Variants in MPPED1 observed in about 807,000 individuals in gnomAD.
MPPED1 encodes the protein metallophosphoesterase domain-containing protein 1.
A neutral mutation model predicts 36.2 loss-of-function variants in MPPED1; 16 were observed. The ratio of observed to expected loss-of-function variants is 0.44; its 90% CI spans 0.30 to 0.67. The LOEUF (loss-of-function observed/expected upper bound fraction) is 0.67, where lower values mean the gene tolerates loss of function less well. Among genes scored for constraint, MPPED1 ranks in the 30% least tolerant of loss-of-function variants. MPPED1 has a pLI of 0.10. For synonymous variants in MPPED1, 199 were observed against 191.3 expected (o/e 1.04, Z -0.33); for missense variants, 307 against 453.4 (o/e 0.68, Z 2.93).
At chr22:43,473,509 G>T (rs1291824266) in intron 3 of MPPED1, among the ~76,000 whole-genome samples, 1 of 152,214 alleles carries the variant, frequency 6.6e-6, no homozygotes, top group South Asian at 2.1e-4. Flanking sequence ...GACCCTCCAG[G>T]TCACTCTCGG....
At position 43,455,200 on chromosome 22, in the gene MPPED1, C is replaced by G. The variant is rs562054714; in HGVS notation, c.407-19536C>G. On this transcript the variant is annotated intron_variant, in intron 3 of 6. Coordinates refer to ENST00000443721, the MANE Select transcript of MPPED1 (RefSeq NM_001044370.2). ...TCTCGGCCCACAGCAACCTCTGTCC[C>G]TGGGATTCAAGCGATTCTTCCTCCT... Among the ~76,000 whole-genome samples, 308 of 150,152 alleles carry G rather than the reference C, an allele frequency of 2.1e-3. 1 individual carries two copies. In the Middle Eastern group the frequency reaches 0.024, roughly 12 times the overall value.
At chr22:43,413,293 G>A (rs1345359264) in intron 1 of MPPED1, among the ~76,000 whole-genome samples, 1 of 152,088 alleles carries the variant, frequency 6.6e-6, no homozygotes, top group Non-Finnish European at 1.5e-5. Context: ...AATGGCACTG[G>A]GAGACTTGTT....
At chr22:43,491,901 TTGGAGGTGGTGGTAA>T (rs1932114755) in intron 4 of MPPED1, among the ~76,000 whole-genome samples, 1 of 83,630 alleles carries the variant, frequency 1.2e-5, no homozygotes, top group African/African-American at 4.9e-5. Flanking sequence ...GGTGGTGGTG[TTGGAGGTGGTGGTAA>T]TGGAGGTGCT....
At chr22:43,483,868 C>CACAGGTCTGCTGGCCTGAGA (rs2146896045) in intron 4 of MPPED1, among the ~76,000 whole-genome samples, 1 of 152,348 alleles carries the variant, frequency 6.6e-6, no homozygotes, top group African/African-American at 2.4e-5. Context: ...TCCTGGACCA[C>CACAGGTCTGCTGGCCTGAGA]ACAGGTCTGC....
chr22:43,430,248 C>T (rs1191170547), intron 2 of MPPED1, among the ~76,000 whole-genome samples: 2 of 152,202 alleles, frequency 1.3e-5, no homozygotes, highest in East Asian at 3.8e-4. Context: ...TGATGCCTCT[C>T]TGGGCTTTTG....
intron 4 of MPPED1, among the ~76,000 whole-genome samples, chr22:43,482,457 C>T (rs1931780131): frequency 6.6e-6 from 1 of 152,182 alleles, no homozygotes; most frequent in South Asian, 2.1e-4. Flanking sequence ...CTTCACCTCT[C>T]TGTGGGAGCC....
chr22:43,432,902 GAGGGAA>G (rs1929807664), intron 2 of MPPED1, among the ~76,000 whole-genome samples: 1 of 66,156 alleles, frequency 1.5e-5, no homozygotes, highest in African/African-American at 3.8e-5. Flanking sequence ...AGGAGAGAGA[GAGGGAA>G]AGAGAAAGGG....
At chr22:43,424,337 A>G (rs1423684683) in intron 1 of MPPED1, among the ~76,000 whole-genome samples, 2 of 152,090 alleles carry the variant, frequency 1.3e-5, no homozygotes, top group Non-Finnish European at 2.9e-5. Context: ...TTCTCAGGGC[A>G]CCACTAAAAG....
intron 3 of MPPED1, among the ~76,000 whole-genome samples, chr22:43,461,672 C>G (rs190080645): frequency 9.2e-5 from 14 of 152,182 alleles, no homozygotes; most frequent in African/African-American, 3.1e-4. Flanking sequence ...TGTAAAGACT[C>G]AAATGTATGA....
At chr22:43,485,833 T>C (rs1287635893) in intron 4 of MPPED1, among the ~76,000 whole-genome samples, 1 of 152,244 alleles carries the variant, frequency 6.6e-6, no homozygotes, top group African/African-American at 2.4e-5. Flanking sequence ...GTTCCACTTA[T>C]CTTGCTGCTG....
chr22:43,450,541 C>T (rs1005995357), intron 3 of MPPED1, among the ~76,000 whole-genome samples: 3 of 152,168 alleles, frequency 2.0e-5, no homozygotes, highest in Admixed American at 1.3e-4. Flanking sequence ...TCAGTTTTCT[C>T]ATCTATCAAA....
In MPPED1 at chr22:43,453,855, A is replaced by G. The variant is rs73428320; in HGVS notation, c.406+18640A>G. On this transcript the variant is annotated intron_variant, in intron 3 of 6. Transcript: ENST00000443721. ...TGTATAGTTCAGTGGCATTAAGACC[A>G]TTCACATTGTTGTACAAACATCACT... Among the ~76,000 whole-genome samples, 1,065 of 152,266 alleles carry G rather than the reference A, an allele frequency of 7.0e-3. 9 individuals carry two copies. Among genetic ancestry groups the G allele is most frequent in the African/African-American group, 0.024 (1,015 of 41,544 alleles).
chr22:43,445,558 CTTTTT>C lies in MPPED1; in HGVS notation c.406+10358_406+10362del, dbSNP rs135055. Among the ~76,000 whole-genome samples, 11 of 123,898 alleles carry C rather than the reference CTTTTT, an allele frequency of 8.9e-5. No individual in the cohort carries two copies. In the Admixed American group the frequency reaches 9.6e-4, roughly 11 times the overall value. The allele number at this position is 123,898 out of a possible 152,430, so 81.3% of individuals were successfully genotyped here. ...CTATATCTTTGCTGTCTGATGTTTC[CTTTTT>C]TTTTTTTTTTTTTTGCAGACAGGAT... is the stretch of plus-strand genomic sequence containing the variant. On this transcript the variant is annotated intron_variant, in intron 3 of 6. Transcript: ENST00000443721.
intron 1 of MPPED1, among the ~76,000 whole-genome samples, chr22:43,421,832 T>C (rs1929284964): frequency 6.6e-6 from 1 of 152,258 alleles, no homozygotes; most frequent in African/African-American, 2.4e-5. Flanking sequence ...TTAGCTAACA[T>C]TTATTGACCA....
At chr22:43,414,532 G>A (rs927608177) in intron 1 of MPPED1, among the ~76,000 whole-genome samples, 4 of 152,084 alleles carry the variant, frequency 2.6e-5, no homozygotes, top group African/African-American at 9.7e-5. Flanking sequence ...CATGAATACC[G>A]GGGGCAGAGG....
At chr22:43,428,492 C>T (rs1390561386) in intron 2 of MPPED1, among the ~76,000 whole-genome samples, 1 of 152,214 alleles carries the variant, frequency 6.6e-6, no homozygotes, top group African/African-American at 2.4e-5. Context: ...CTGGTGGTGG[C>T]TGAATGGATT....
At chr22:43,504,631 ATGG>A (rs1345802881) in intron 6 of MPPED1, among the ~76,000 whole-genome samples, 4 of 151,422 alleles carry the variant, frequency 2.6e-5, no homozygotes, top group East Asian at 1.9e-4. Context: ...GGCACTAGTG[ATGG>A]TGGTGGTGAG....
At chr22:43,467,924 G>A (rs780806276) in intron 3 of MPPED1, among the ~76,000 whole-genome samples, 9 of 152,174 alleles carry the variant, frequency 5.9e-5, no homozygotes, top group African/African-American at 1.2e-4. Context: ...TCTGTTAAAT[G>A]GGATGGGTAA....
At chr22:43,464,140 C>G (rs568327094) in intron 3 of MPPED1, among the ~76,000 whole-genome samples, 35 of 152,040 alleles carry the variant, frequency 2.3e-4, no homozygotes, top group African/African-American at 8.4e-4. Context: ...AACTCCTGAC[C>G]TCAGGTGATC....
Sources: gnomAD v4.1 joint callset for allele counts (sites outside exome capture counted in the v4.1 genomes callset) on GRCh38, gnomAD v4.1.1 for gene constraint, MANE v1.5 for transcripts, NCBI Gene and HGNC (gene_info 2026-07-23, HGNC 2026-07-21) for gene names.